TRIOBP: variants seen among roughly 807,000 people sequenced by gnomAD.
TRIOBP encodes TRIO and F-actin binding protein.
A neutral mutation model predicts 238.8 loss-of-function variants in TRIOBP; 169 were observed. The ratio of observed to expected loss-of-function variants is 0.71; its 90% CI spans 0.62 to 0.80. The LOEUF (loss-of-function observed/expected upper bound fraction) is 0.80. Ranked by LOEUF, TRIOBP falls within the 30% of genes least tolerant of loss-of-function variation. The pLI, the probability that TRIOBP is intolerant of heterozygous loss-of-function variation, is 0.00. For synonymous variants in TRIOBP, 1,150 were observed against 1,274.4 expected (o/e 0.90, Z 2.08); for missense variants, 2,838 against 3,122.6 (o/e 0.91, Z 2.17).
intron 3 of TRIOBP, among the ~76,000 whole-genome samples, chr22:37,709,564 C>T (rs571696832): frequency 6.6e-6 from 1 of 152,342 alleles, no homozygotes; most frequent in African/African-American, 2.4e-5. Flanking sequence ...CAGCCACCAC[C>T]ACCACCAGAG....
rs1924112949 is a variant in TRIOBP at position 37,725,782 on chromosome 22, C to A, written c.3226C>A (p.Pro1076Thr). The stretch of plus-strand genomic sequence containing the variant: ...CCGAGATGCCCCCCGGGCGTCCTCG[C>A]CCCCCCGCCACACCCAATTTGACCC... ...GHRDAPRASS[P>T]PRHTQFDPFP... The change falls in exon 7 of 24, where the codon CCC (proline) becomes ACC (threonine). Residue 1076 changes from proline to threonine, a missense_variant. Pro to Thr is a conservative substitution (Grantham distance 38). Around this residue, in one of 5 missense-constraint regions of TRIOBP, gnomAD observed 2,096 missense variants for 2,137.4 expected, o/e 0.98. Transcript: ENST00000644935. 6.2e-7 allele frequency: 1 copy of A among 1,602,072 alleles called. No homozygotes were observed. Among genetic ancestry groups the A allele is most frequent in the East Asian group, 2.2e-5 (1 of 44,588 alleles).
chr22:37,710,572 T>C lies in TRIOBP; in HGVS notation c.254+6T>C. On this transcript the variant is annotated splice_donor_region_variant and intron_variant, in intron 4 of 23. Coordinates refer to ENST00000644935, the MANE Select transcript of TRIOBP (RefSeq NM_001039141.3). ...CTCAGGCCAGGGCCCAAGAGGTGGG[T>C]AGAGTCCCAGGGCCCAGGAAGGGCT... is the stretch of plus-strand genomic sequence containing the variant. The C allele has an allele frequency of 1.2e-6, 2 of 1,608,672 alleles. No homozygotes were observed. The highest frequency in any genetic ancestry group is 1.7e-6 in the Non-Finnish European group (2 of 1,179,310).
At chr22:37,747,137 C>G (rs1427332150) in intron 11 of TRIOBP, among the ~76,000 whole-genome samples, 2 of 151,712 alleles carry the variant, frequency 1.3e-5, no homozygotes, top group Non-Finnish European at 2.9e-5. Context: ...CCATAGTTAG[C>G]ATATTGAGCC....
rs759285585 is a variant in TRIOBP, at chr22:37,734,721, G to T, written c.4385G>T (p.Cys1462Phe). 1.9e-6 allele frequency: 3 copies of T among 1,609,370 alleles called. No individual in the cohort carries two copies. The highest frequency in any genetic ancestry group is 3.3e-4 in the Middle Eastern group (2 of 6,058). Reference sequence around the variant, plus strand: ...CTGGGCCCTGGGGGCTGGTGGGGATGTGGAGAGCCCAGCCTGGGGGCAGCC... The same window carrying T: ...CTGGGCCCTGGGGGCTGGTGGGGATTTGGAGAGCCCAGCCTGGGGGCAGCC... ...GGLGPGGWWG[C>F]GEPSLGAAKA... Residue 1462 changes from cysteine (C) to phenylalanine (F), a missense_variant, in exon 9 of 24, where the codon TGT (cysteine) becomes TTT (phenylalanine). Around this residue, in one of 5 missense-constraint regions of TRIOBP, gnomAD observed 2,096 missense variants for 2,137.4 expected, o/e 0.98. Transcript: ENST00000644935.
intron 11 of TRIOBP, chr22:37,751,487 C>T (rs1009296100): frequency 9.9e-6 from 5 of 504,194 alleles, no homozygotes; most frequent in East Asian, 3.6e-5. Flanking sequence ...GGCGAGGGGT[C>T]GGCTGGAGAG....
rs1923949619 is a variant in TRIOBP, at chr22:37,723,652, A to G, written c.1096A>G (p.Thr366Ala). The change falls in exon 7 of 24, where the codon ACT becomes GCT. Residue 366 changes from threonine (T) to alanine (A), a missense_variant. By Grantham distance (58) the Thr-to-Ala change is moderately conservative. Around this residue, in one of 5 missense-constraint regions of TRIOBP, gnomAD observed 535 missense variants for 537.3 expected, o/e 1.00. Coordinates refer to ENST00000644935, the MANE Select transcript of TRIOBP (RefSeq NM_001039141.3). ...TSSTQQDNPQ[T>A]SFPTCTPQRE... ...TTCTACCCAGCAGGACAACCCCCAA[A>G]CTTCTTTTCCTACTTGTACTCCCCA... 1 of 1,613,348 alleles carries G rather than the reference A, an allele frequency of 6.2e-7. No individual in the cohort carries two copies. The highest frequency in any genetic ancestry group is 8.5e-7 in the Non-Finnish European group (1 of 1,179,902).
chr22:37,729,222 CT>C (rs68108428), intron 7 of TRIOBP, among the ~76,000 whole-genome samples: 2,835 of 143,740 alleles, frequency 0.02, 34 homozygotes, highest in Middle Eastern at 0.03. Flanking sequence ...CTGGTCTGAC[CT>C]TTTTTTTTTT....
intron 11 of TRIOBP, among the ~76,000 whole-genome samples, chr22:37,748,934 G>A (rs1444595512): frequency 6.6e-6 from 1 of 152,174 alleles, no homozygotes; most frequent in Non-Finnish European, 1.5e-5. Flanking sequence ...CGGAGTCCTG[G>A]TGTGTTGTGA....
intron 3 of TRIOBP, among the ~76,000 whole-genome samples, chr22:37,705,041 C>A (rs1922861773): frequency 6.6e-6 from 1 of 152,070 alleles, no homozygotes; most frequent in Admixed American, 6.6e-5. Flanking sequence ...CCAATGCACT[C>A]CAGCCTGGGC....
chr22:37,769,995 C>T (rs1926685510), intron 21 of TRIOBP, among the ~76,000 whole-genome samples: 1 of 150,586 alleles, frequency 6.6e-6, no homozygotes, highest in African/African-American at 2.4e-5. Context: ...TCACAAAGTG[C>T]TGGGATTACA....
chr22:37,736,211 A>T (rs376833932), intron 9 of TRIOBP, among the ~76,000 whole-genome samples: 197 of 152,258 alleles, frequency 1.3e-3, no homozygotes, highest in African/African-American at 4.6e-3. Flanking sequence ...GTGGGCAGGG[A>T]GGGTCTTGGA....
At chr22:37,709,432 C>G (rs888221053) in intron 3 of TRIOBP, among the ~76,000 whole-genome samples, 1 of 152,242 alleles carries the variant, frequency 6.6e-6, no homozygotes, top group African/African-American at 2.4e-5. Flanking sequence ...CGAAGCCGGC[C>G]CCTCTAAGGT....
At chr22:37,735,575 GCTGACCACAACCCATC>G in intron 9 of TRIOBP, 133 bp downstream of exon 9, 1 of 1,074,702 alleles carries the variant, frequency 9.3e-7, no homozygotes, top group Non-Finnish European at 1.4e-6. Context: ...CAGCCTCCCT[GCTGACCACAACCCATC>G]CCGATCACCA....
At chr22:37,759,698 A>C in intron 17 of TRIOBP, 1 of 1,502,758 alleles carries the variant, frequency 6.7e-7, no homozygotes, top group Non-Finnish European at 8.9e-7. Context: ...GGAGGTCTGC[A>C]GGACAGGGGA....
Position 37,701,421 on chromosome 22 carries a change from C to A in TRIOBP, c.56C>A (p.Thr19Asn). Residue 19 changes from threonine (T) to asparagine (N), a missense_variant, in exon 3 of 24, where the codon ACC becomes AAC. Around this residue, in one of 5 missense-constraint regions of TRIOBP, gnomAD observed 535 missense variants for 537.3 expected, o/e 1.00. Transcript: ENST00000644935. Reference protein sequence around the residue: ...LCEHFEANILTQNRCQNCFHP... With the variant: ...LCEHFEANILNQNRCQNCFHP... ...GAACACTTTGAGGCCAACATACTTA[C>A]CCAGAACCGCTGTCAAAACTGCTTC... 6 of 1,613,908 alleles carry A rather than the reference C, an allele frequency of 3.7e-6. No individual in the cohort carries two copies. The highest frequency in any genetic ancestry group is 5.1e-6 in the Non-Finnish European group (6 of 1,179,962).
At chr22:37,748,220 A>T (rs1485938060) in intron 11 of TRIOBP, among the ~76,000 whole-genome samples, 1 of 152,156 alleles carries the variant, frequency 6.6e-6, no homozygotes, top group Non-Finnish European at 1.5e-5. Context: ...GTGTTCATTG[A>T]GTTCATCCTG....
intron 3 of TRIOBP, among the ~76,000 whole-genome samples, chr22:37,709,043 C>T (rs751654150): frequency 1.8e-4 from 28 of 152,294 alleles, no homozygotes; most frequent in Non-Finnish European, 2.6e-4. Context: ...GCGCCAGGCC[C>T]GGCTGTGGAT....
chr22:37,763,939 G>A lies in TRIOBP; in HGVS notation c.6325-1731G>A, dbSNP rs117830132. 1.4e-3 allele frequency among the ~76,000 whole-genome samples: 209 copies of A among 152,334 alleles called. 3 individuals carry two copies. In the South Asian group the frequency reaches 0.015, roughly 11 times the overall value. ...GCTCCAGCTTCTGGTGGCCGTCCGC[G>A]TCCCTTGGCTCTCGGCCCCTTCCTT... On this transcript the variant is annotated intron_variant, in intron 17 of 23. Transcript: ENST00000644935.
At chr22:37,752,574 G>A (rs368814391) in intron 12 of TRIOBP, among the ~76,000 whole-genome samples, 413 of 152,324 alleles carry the variant, frequency 2.7e-3, no homozygotes, top group African/African-American at 9.2e-3. Context: ...CCTGCATGCC[G>A]GAGAGGGCTT....
Sources: gnomAD v4.1 joint callset for allele counts (sites outside exome capture counted in the v4.1 genomes callset) on GRCh38, gnomAD v4.1.1 for gene constraint, gnomAD v4.1.1 regional missense constraint, MANE v1.5 for transcripts, NCBI Gene and HGNC (gene_info 2026-07-23, HGNC 2026-07-21) for gene names.